MED13L: variants seen among roughly 807,000 people sequenced by gnomAD.
MED13L encodes the protein mediator of RNA polymerase II transcription subunit 13-like.
In MED13L, 7 loss-of-function variants were observed where a neutral mutation model predicts 220.9. The ratio of observed to expected loss-of-function variants is 0.03; its 90% CI spans 0.02 to 0.06. The LOEUF (loss-of-function observed/expected upper bound fraction) is 0.06. Ranked by LOEUF, MED13L falls within the 10% of genes least tolerant of loss-of-function variation. MED13L has a pLI of 1.00. For synonymous variants in MED13L, 1,011 were observed against 1,015.2 expected, an observed-to-expected ratio of 1.00 and a Z score of 0.08; for missense variants, 1,965 against 2,760.5, an observed-to-expected ratio of 0.71 and a Z score of 6.46.
chr12:116,276,936 C>T (rs1286126323), intron 1 of MED13L, 124 bp downstream of exon 1: 10 of 1,124,156 alleles, frequency 8.9e-6, no homozygotes, highest in Non-Finnish European at 1.3e-5. Context: ...GAGAGGCGAA[C>T]GGCGGGGAGA....
At chr12:116,111,010 T>C (rs911344873) in intron 3 of MED13L, among the ~76,000 whole-genome samples, 2 of 152,182 alleles carry the variant, frequency 1.3e-5, no homozygotes, top group African/African-American at 4.8e-5. Flanking sequence ...GGACAACCAA[T>C]GACATCTGAA....
chr12:116,175,271 T>C (rs1462124402), intron 2 of MED13L, among the ~76,000 whole-genome samples: 6 of 152,286 alleles, frequency 3.9e-5, no homozygotes, highest in Middle Eastern at 3.4e-3. Flanking sequence ...TTTGAAATAA[T>C]TTCAATACAT....
chr12:116,021,777 T>C (rs1880075495), intron 5 of MED13L, among the ~76,000 whole-genome samples: 1 of 152,144 alleles, frequency 6.6e-6, no homozygotes, highest in African/African-American at 2.4e-5. Flanking sequence ...ATTATAACAT[T>C]TAAAAGCTGT....
intron 4 of MED13L, among the ~76,000 whole-genome samples, chr12:116,030,330 G>A (rs888102432): frequency 2.0e-5 from 3 of 151,870 alleles, no homozygotes; most frequent in Admixed American, 6.6e-5. Flanking sequence ...AAACTTAAAC[G>A]TGTAGTTCCT....
At chr12:115,966,331 G>A in intron 28 of MED13L, 88 bp from the exon 29 acceptor site, 2 of 1,418,938 alleles carry the variant, frequency 1.4e-6, no homozygotes, top group Non-Finnish European at 9.8e-7. Flanking sequence ...GCACACTGCA[G>A]TGAGTGATCC....
intron 4 of MED13L, among the ~76,000 whole-genome samples, chr12:116,073,008 G>A (rs969967158): frequency 2.0e-5 from 3 of 152,132 alleles, no homozygotes; most frequent in African/African-American, 7.2e-5. Context: ...TACTATGGTA[G>A]ATTATAAGTA....
intron 1 of MED13L, among the ~76,000 whole-genome samples, chr12:116,248,038 T>C (rs1022476467): frequency 2.0e-5 from 3 of 152,080 alleles, no homozygotes; most frequent in Non-Finnish European, 2.9e-5. Context: ...ATGCAACAAA[T>C]AAAGAGATGA....
Position 116,008,788 on chromosome 12 carries a change from A to G in MED13L, c.1625T>C (p.Leu542Pro), listed in dbSNP as rs774205474. 1 of 1,614,034 alleles carries G rather than the reference A, an allele frequency of 6.2e-7. No individual in the cohort carries two copies. Among genetic ancestry groups the G allele is most frequent in the Non-Finnish European group, 8.5e-7 (1 of 1,179,996 alleles). Residue 542 changes from leucine to proline, a missense_variant, in exon 10 of 31, where the codon CTG becomes CCG. Leu to Pro is a moderately conservative substitution (Grantham distance 98). Transcript: ENST00000281928. Reference sequence around the variant, plus strand: ...GGAATGAGGTGAATCCATAGGATTCAGATTCATTTGCTTGCTTGTATTTCT... The same window carrying G: ...GGAATGAGGTGAATCCATAGGATTCGGATTCATTTGCTTGCTTGTATTTCT... Reference protein sequence around the residue: ...PSRNTSKQMNLNPMDSPHSPI... With the variant: ...PSRNTSKQMNPNPMDSPHSPI...
intron 2 of MED13L, among the ~76,000 whole-genome samples, chr12:116,173,870 G>A (rs1037843825): frequency 1.1e-4 from 17 of 152,138 alleles, no homozygotes; most frequent in Middle Eastern, 3.2e-3. Flanking sequence ...AGGCCAAGGC[G>A]AGAGGACACC....
chr12:115,969,484 C>T (rs1004024477), intron 27 of MED13L, among the ~76,000 whole-genome samples: 2 of 152,180 alleles, frequency 1.3e-5, no homozygotes, highest in Non-Finnish European at 2.9e-5. Context: ...GCATCTAAAA[C>T]ACCAGAGGCT....
chr12:116,145,659 CTATTTATTTATTTATTTATT>C (rs558385895), intron 2 of MED13L, among the ~76,000 whole-genome samples: 4 of 123,560 alleles, frequency 3.2e-5, no homozygotes, highest in African/African-American at 6.8e-5. Context: ...ACACTCAACT[CTATTTATTTATTTATTTATT>C]TATTTATTTA....
chr12:115,987,588 A>C (rs1877782852), intron 17 of MED13L, among the ~76,000 whole-genome samples: 1 of 152,200 alleles, frequency 6.6e-6, no homozygotes. Context: ...AAAACCATGG[A>C]AATCTGTTTC....
chr12:116,079,862 T>C (rs1871104938), intron 4 of MED13L, among the ~76,000 whole-genome samples: 1 of 152,132 alleles, frequency 6.6e-6, no homozygotes, highest in Non-Finnish European at 1.5e-5. Context: ...AAAAGCATCC[T>C]GGGGTCCTCA....
intron 4 of MED13L, among the ~76,000 whole-genome samples, chr12:116,070,597 C>T (rs1870292373): frequency 6.6e-6 from 1 of 152,128 alleles, no homozygotes; most frequent in South Asian, 2.1e-4. Flanking sequence ...GGATCTAAAA[C>T]ACTCGCCTAG....
chr12:116,171,995 A>T (rs989385651), intron 2 of MED13L, among the ~76,000 whole-genome samples: 9 of 152,190 alleles, frequency 5.9e-5, no homozygotes, highest in Non-Finnish European at 1.0e-4. Context: ...TTTATAAATG[A>T]CTTCTTTCTC....
At chr12:116,005,535 T>C (rs1878995771) in intron 13 of MED13L, among the ~76,000 whole-genome samples, 1 of 152,236 alleles carries the variant, frequency 6.6e-6, no homozygotes, top group Non-Finnish European at 1.5e-5. Flanking sequence ...AATACATTTC[T>C]AGTAGTCCTG....
At chr12:116,080,860 G>A (rs1297634161) in intron 4 of MED13L, among the ~76,000 whole-genome samples, 3 of 152,144 alleles carry the variant, frequency 2.0e-5, no homozygotes, top group Admixed American at 2.0e-4. Flanking sequence ...CAGTTACTAA[G>A]TTATCAGTAC....
chr12:116,062,914 C>T (rs1869626218), intron 4 of MED13L, among the ~76,000 whole-genome samples: 1 of 152,178 alleles, frequency 6.6e-6, no homozygotes, highest in South Asian at 2.1e-4. Context: ...CTGTAAAGTA[C>T]AAGATGTCCT....
At chr12:116,268,182 G>T (rs1449623959) in intron 1 of MED13L, among the ~76,000 whole-genome samples, 1 of 150,834 alleles carries the variant, frequency 6.6e-6, no homozygotes, top group Non-Finnish European at 1.5e-5. Flanking sequence ...GTACACAGAG[G>T]GAGGTAGGGG....
Sources: allele counts gnomAD v4.1 joint callset (sites outside exome capture counted in the v4.1 genomes callset), GRCh38; gene constraint gnomAD v4.1.1; transcripts MANE v1.5; gene names NCBI Gene and HGNC (gene_info 2026-07-23, HGNC 2026-07-21).